DCC: variants seen among roughly 807,000 people sequenced by gnomAD.
DCC encodes netrin receptor DCC.
Under a neutral mutation model 172.5 loss-of-function variants are expected in DCC, and 58 were observed. The ratio of observed to expected loss-of-function variants is 0.34; its 90% CI spans 0.27 to 0.42. The LOEUF is 0.42. Ranked by LOEUF, DCC falls within the 10% of genes least tolerant of loss-of-function variation. The pLI, the probability that DCC is intolerant of heterozygous loss-of-function variation, is 1.00. For synonymous variants in DCC, 709 were observed against 644.5 expected (o/e 1.10, Z -1.52); for missense variants, 1,740 against 1,791.0 (o/e 0.97, Z 0.51).
intron 1 of DCC, among the ~76,000 whole-genome samples, chr18:52,497,334 C>T (rs1277313289): frequency 4.9e-5 from 1 of 20,248 alleles, no homozygotes; most frequent in African/African-American, 1.6e-4. Context: ...CATATATATA[C>T]ACACGTATGC....
intron 24 of DCC, among the ~76,000 whole-genome samples, chr18:53,464,979 CAAAAAAAAAAAA>C (rs71179510): frequency 2.9e-4 from 16 of 54,842 alleles, no homozygotes; most frequent in Non-Finnish European, 4.5e-4. Flanking sequence ...AACTCAATCT[CAAAAAAAAAAAA>C]AAAAAAAAAA....
intron 2 of DCC, among the ~76,000 whole-genome samples, chr18:52,883,709 A>T (rs115902749): frequency 0.031 from 2,620 of 83,258 alleles, 56 homozygotes; most frequent in African/African-American, 0.071. Flanking sequence ...GTTCATTGTT[A>T]AGTCTTTCTA....
chr18:52,827,634 G>C (rs760541561), intron 2 of DCC, among the ~76,000 whole-genome samples: 8 of 152,118 alleles, frequency 5.3e-5, no homozygotes, highest in Non-Finnish European at 1.2e-4. Context: ...GTTACTTGGG[G>C]GCCATAGAAA....
At chr18:52,496,648 A>G (rs530531583) in intron 1 of DCC, among the ~76,000 whole-genome samples, 1 of 152,192 alleles carries the variant, frequency 6.6e-6, no homozygotes, top group South Asian at 2.1e-4. Context: ...ATTTGATGAC[A>G]TCTGTTAAGG....
intron 10 of DCC, among the ~76,000 whole-genome samples, chr18:53,206,803 T>C (rs1201187197): frequency 1.3e-5 from 2 of 151,576 alleles, no homozygotes; most frequent in East Asian, 1.9e-4. Flanking sequence ...GTTCTTATTA[T>C]TTGTTGTGAA....
At chr18:53,151,800 C>A (rs1275329360) in intron 7 of DCC, among the ~76,000 whole-genome samples, 3 of 151,950 alleles carry the variant, frequency 2.0e-5, no homozygotes, top group Non-Finnish European at 4.4e-5. Flanking sequence ...ATGATTCTTT[C>A]CATTTTGAAA....
At position 53,042,737 on chromosome 18, in the gene DCC, T is replaced by C. The variant is rs1045556013; in HGVS notation, c.986-20568T>C. Reference sequence around the variant, plus strand: ...CCATCATCTCTGGTCATTACAGAAATGCAAATCAAAACTAAAATGAGATAC... The same window carrying C: ...CCATCATCTCTGGTCATTACAGAAACGCAAATCAAAACTAAAATGAGATAC... On this transcript the variant is annotated intron_variant, in intron 5 of 28. Transcript: ENST00000442544. Among the ~76,000 whole-genome samples the C allele has an allele frequency of 4.6e-5, 7 of 152,034 alleles. No individual in the cohort carries two copies. The South Asian group carries it at 6.2e-4, about 14-fold the overall frequency.
At chr18:52,757,419 T>A (rs556157036) in intron 2 of DCC, 10 of 152,168 alleles carry the variant, frequency 6.6e-5, no homozygotes, top group Non-Finnish European at 1.3e-4. Flanking sequence ...ATAGATTTCC[T>A]ATGAATAAAC....
intron 1 of DCC, among the ~76,000 whole-genome samples, chr18:52,534,238 A>C (rs1319603732): frequency 1.3e-5 from 2 of 152,128 alleles, no homozygotes; most frequent in Non-Finnish European, 2.9e-5. Context: ...GTGTTTTCTG[A>C]TAGAGGTTAC....
intron 5 of DCC, among the ~76,000 whole-genome samples, chr18:53,005,849 C>A (rs974205477): frequency 6.6e-6 from 1 of 152,116 alleles, no homozygotes; most frequent in Non-Finnish European, 1.5e-5. Flanking sequence ...ATATACTATA[C>A]CTTTGCTTCG....
chr18:53,347,845 C>T (rs1183201862), intron 15 of DCC, among the ~76,000 whole-genome samples: 2 of 152,132 alleles, frequency 1.3e-5, no homozygotes, highest in Non-Finnish European at 2.9e-5. Flanking sequence ...ACCATGAGAT[C>T]TCATGAGGCT....
intron 1 of DCC, among the ~76,000 whole-genome samples, chr18:52,444,465 G>A (rs774476384): frequency 6.6e-6 from 1 of 152,122 alleles, no homozygotes; most frequent in Non-Finnish European, 1.5e-5. Context: ...TGCCAAATAT[G>A]ACCAGTAGTA....
intron 27 of DCC, among the ~76,000 whole-genome samples, chr18:53,515,157 A>G (rs1368787224): frequency 6.6e-6 from 1 of 151,716 alleles, no homozygotes; most frequent in Non-Finnish European, 1.5e-5. Flanking sequence ...ACGCAAATCA[A>G]TAAATGTAAT....
chr18:52,787,182 G>A (rs1035277870), intron 2 of DCC, among the ~76,000 whole-genome samples: 3 of 152,122 alleles, frequency 2.0e-5, no homozygotes, highest in Non-Finnish European at 4.4e-5. Flanking sequence ...TTAACTTTCT[G>A]AGTACAGTCC....
chr18:53,227,818 C>T (rs753438797), intron 12 of DCC, among the ~76,000 whole-genome samples: 101 of 152,138 alleles, frequency 6.6e-4, no homozygotes, highest in Non-Finnish European at 1.3e-3. Context: ...TCTCATCTTT[C>T]AGAGGAGTCT....
intron 1 of DCC, among the ~76,000 whole-genome samples, chr18:52,496,738 T>C (rs1176687518): frequency 2.6e-5 from 4 of 152,186 alleles, no homozygotes; most frequent in African/African-American, 9.6e-5. Flanking sequence ...GCTGTTACCT[T>C]GTCATTTATT....
intron 15 of DCC, 107 bp downstream of exon 15, chr18:53,340,014 A>G (rs2057637905): frequency 2.3e-6 from 2 of 878,858 alleles, no homozygotes; most frequent in Non-Finnish European, 3.6e-6. Flanking sequence ...TTCAACTTAC[A>G]GCATGTATTA....
chr18:52,708,779 G>A (rs972100921), intron 1 of DCC, among the ~76,000 whole-genome samples: 3 of 152,082 alleles, frequency 2.0e-5, no homozygotes, highest in African/African-American at 4.8e-5. Context: ...AACAAATTTG[G>A]TAAAATGCTA....
intron 1 of DCC, among the ~76,000 whole-genome samples, chr18:52,528,589 G>A (rs1217314621): frequency 1.3e-5 from 2 of 152,012 alleles, no homozygotes; most frequent in African/African-American, 4.8e-5. Flanking sequence ...AGATCCATCA[G>A]CCCTGGTGAC....
Sources: allele counts gnomAD v4.1 joint callset (sites outside exome capture counted in the v4.1 genomes callset), GRCh38; gene constraint gnomAD v4.1.1; transcripts MANE v1.5; gene names NCBI Gene and HGNC (gene_info 2026-07-23, HGNC 2026-07-21).